The following CPZ variants were observed in gnomAD, a reference collection of about 807,000 sequenced individuals.
CPZ encodes VEZT/CPZ fusion.
Under a neutral mutation model 61.8 loss-of-function variants are expected in CPZ, and 103 were observed. The observed-to-expected ratio is 1.67, with a 90% confidence interval of 1.42 to 1.96. CPZ has a LOEUF of 1.96. Ranked by LOEUF, CPZ falls within the 30% of genes most tolerant of loss-of-function variation. The probability of loss-of-function intolerance (pLI) is 0.00; values close to 1 mark genes in which losing one functional copy is unlikely to be tolerated. For missense variants in CPZ, 1,461 were observed against 914.9 expected, an observed-to-expected ratio of 1.60 and a Z score of -7.70; for synonymous variants, 551 against 373.7, an observed-to-expected ratio of 1.47 and a Z score of -5.47.
chr4:8,600,439 G>C (rs1327308044), intron 2 of CPZ, among the ~76,000 whole-genome samples: 1 of 152,158 alleles, frequency 6.6e-6, no homozygotes, highest in African/African-American at 2.4e-5. Context: ...TGCGAGTGTG[G>C]AGCCAGCGGC....
Position 8,618,498 on chromosome 4 carries a change from G to A in CPZ, c.1573G>A (p.Val525Ile). ...GKPVKNARISVKGIRHDITTA... is the reference protein window; with the variant it reads ...GKPVKNARISIKGIRHDITTA... ...GCCAGTCAAAAACGCCCGGATCTCAGTCAAAGGCATTCGCCACGACATCAC... is the reference window on the plus strand; with the variant it reads ...GCCAGTCAAAAACGCCCGGATCTCAATCAAAGGCATTCGCCACGACATCAC... Residue 525 changes from valine to isoleucine, a missense_variant, in exon 10 of 11, where the codon GTC becomes ATC. By Grantham distance (29) the Val-to-Ile change is conservative (BLOSUM62 3). Transcript: ENST00000360986. 1.2e-6 allele frequency: 2 copies of A among 1,614,038 alleles called. No individual in the cohort carries two copies. Among genetic ancestry groups the A allele is most frequent in the South Asian group, 1.1e-5 (1 of 91,082 alleles).
chr4:8,607,247 G>T lies in CPZ; in HGVS notation c.1069-20G>T. The T allele has an allele frequency of 1.2e-6, 2 of 1,611,714 alleles. No homozygotes were observed. Among genetic ancestry groups the T allele is most frequent in the Non-Finnish European group, 1.7e-6 (2 of 1,178,328 alleles). On this transcript the variant is annotated intron_variant, in intron 6 of 10. Coordinates refer to ENST00000360986, the MANE Select transcript of CPZ (RefSeq NM_001014447.3). Reference sequence around the variant, plus strand: ...GTGGGAAAGCCCAGCCCTGAGGGCGGCCTCGTCTGTCCTGGGCAGGTGGCC... The same window carrying T: ...GTGGGAAAGCCCAGCCCTGAGGGCGTCCTCGTCTGTCCTGGGCAGGTGGCC...
At chr4:8,610,338 T>C (rs1044262876) in intron 7 of CPZ, among the ~76,000 whole-genome samples, 1 of 152,206 alleles carries the variant, frequency 6.6e-6, no homozygotes. Flanking sequence ...TCTGGGCCCC[T>C]GCACCCCAGG....
At chr4:8,611,274 G>A (rs1381378055) in intron 7 of CPZ, 1 of 456,276 alleles carries the variant, frequency 2.2e-6, no homozygotes, top group Non-Finnish European at 4.4e-6. Flanking sequence ...CCCAAGGTCA[G>A]TCTGGGACTT....
chr4:8,605,277 C>T (rs777741735), intron 4 of CPZ, among the ~76,000 whole-genome samples: 1 of 150,046 alleles, frequency 6.7e-6, no homozygotes, highest in Non-Finnish European at 1.5e-5. Context: ...GCCAGTAAGG[C>T]CATGGGGCCT....
intron 9 of CPZ, among the ~76,000 whole-genome samples, chr4:8,616,442 GC>G (rs996934046): frequency 1.3e-5 from 2 of 152,168 alleles, no homozygotes; most frequent in African/African-American, 4.8e-5. Context: ...TCCTGGGAGA[GC>G]CCCTGCTCTC....
chr4:8,607,719 TC>T (rs1270621900), intron 7 of CPZ, among the ~76,000 whole-genome samples: 1 of 152,146 alleles, frequency 6.6e-6, no homozygotes, highest in Non-Finnish European at 1.5e-5. Context: ...GCGCTGCTGT[TC>T]CTTTGAGCTC....
intron 7 of CPZ, among the ~76,000 whole-genome samples, chr4:8,609,286 T>C (rs1325593644): frequency 9.2e-6 from 1 of 109,064 alleles, no homozygotes; most frequent in African/African-American, 3.6e-5. Context: ...CACACTAATT[T>C]TCTCAGTCAT....
At chr4:8,609,233 G>GACTTACTCAT (rs869045353) in intron 7 of CPZ, among the ~76,000 whole-genome samples, 123 of 24,406 alleles carry the variant, frequency 5.0e-3, no homozygotes, top group African/African-American at 0.021. Context: ...CTCACTCATT[G>GACTTACTCAT]TCACTCATTC....
In CPZ at chr4:8,601,185, C is replaced by T. The variant is rs200477477; in HGVS notation, c.184C>T (p.Pro62Ser). ...TGCCGCCTACAACCACACCACCTTC[C>T]CCAACCTGCTTCAGCACCGGTCGTG... Reference protein sequence around the residue: ...SDAAYNHTTFPNLLQHRSWEV... With the variant: ...SDAAYNHTTFSNLLQHRSWEV... The change falls in exon 3 of 11, where the codon CCC (proline) becomes TCC (serine). Residue 62 changes from proline (P) to serine (S), a missense_variant. Pro to Ser is a moderately conservative substitution (Grantham distance 74, BLOSUM62 -1). Coordinates refer to ENST00000360986, the MANE Select transcript of CPZ (RefSeq NM_001014447.3). 3.5e-5 allele frequency: 56 copies of T among 1,611,594 alleles called. No homozygotes were observed. In the African/African-American group the frequency reaches 6.5e-4, roughly 19 times the overall value.
chr4:8,602,705 AC>A (rs1247540598), intron 3 of CPZ: 1 of 152,280 alleles, frequency 6.6e-6, no homozygotes, highest in Admixed American at 6.5e-5. Context: ...GCTACCGAGC[AC>A]CCACTGTACA....
chr4:8,606,768 G>A lies in CPZ; in HGVS notation c.938G>A (p.Arg313Lys). ...GAGYNGWTSG[R>K]QNAQNLDLNR... is the part of the protein sequence containing the mutation. The stretch of plus-strand genomic sequence containing the variant: ...GGCTACAACGGGTGGACGAGCGGGA[G>A]GCAGAACGCGCAGAACCTGGATCTG... The change falls in exon 6 of 11, where the codon AGG (arginine) becomes AAG (lysine). Residue 313 changes from arginine to lysine, a missense_variant. Transcript: ENST00000360986. 6.2e-7 allele frequency: 1 copy of A among 1,614,194 alleles called. No individual in the cohort carries two copies.
Position 8,601,053 on chromosome 4 carries a change from C to T in CPZ, c.122-70C>T, listed in dbSNP as rs559575419. 494 of 1,499,390 alleles carry T rather than the reference C, an allele frequency of 3.3e-4. 2 individuals are homozygous for T. In the African/African-American group the frequency reaches 5.7e-3, roughly 17 times the overall value. The allele number at this position is 1,499,390 out of a possible 1,614,324, so 92.9% of individuals were successfully genotyped here. ...CCCTGGCCCTGCGTGGGGTCCCCTACGTAAATGTCTGATGCGTGACGGTCA... is the reference window on the plus strand; with the variant it reads ...CCCTGGCCCTGCGTGGGGTCCCCTATGTAAATGTCTGATGCGTGACGGTCA... On this transcript the variant is annotated intron_variant, in intron 2 of 10. Transcript: ENST00000360986.
chr4:8,595,397 C>A (rs1714104507), intron 1 of CPZ, among the ~76,000 whole-genome samples: 1 of 152,236 alleles, frequency 6.6e-6, no homozygotes, highest in Non-Finnish European at 1.5e-5. Flanking sequence ...TGGTGAATAG[C>A]CTAACCAGCC....
At position 8,598,568 on chromosome 4, in the gene CPZ, G is replaced by C. The variant is rs1360742995; in HGVS notation, c.89-885G>C. On this transcript the variant is annotated intron_variant, in intron 1 of 10. Coordinates refer to ENST00000360986, the MANE Select transcript of CPZ (RefSeq NM_001014447.3). Reference sequence around the variant, plus strand: ...CTGTGGGTCACGTCCCCTTCTCCGGGTTCCTGCTGCTCCCACTGCCCAGCC... The same window carrying C: ...CTGTGGGTCACGTCCCCTTCTCCGGCTTCCTGCTGCTCCCACTGCCCAGCC... 1.3e-5 allele frequency among the ~76,000 whole-genome samples: 2 copies of C among 152,222 alleles called. 1 individual carries two copies. The highest frequency in any genetic ancestry group is 4.8e-5 in the African/African-American group (2 of 41,464).
chr4:8,610,280 G>A (rs972408473), intron 7 of CPZ, among the ~76,000 whole-genome samples: 1 of 152,216 alleles, frequency 6.6e-6, no homozygotes, highest in Non-Finnish European at 1.5e-5. Context: ...CTCCTCTGAT[G>A]TCCTTGTCCT....
At chr4:8,606,491 C>A (rs1289293378) in intron 5 of CPZ, among the ~76,000 whole-genome samples, 1 of 152,078 alleles carries the variant, frequency 6.6e-6, no homozygotes, top group African/African-American at 2.4e-5. Context: ...ACGAGCAGAG[C>A]AGGTGACTGT....
chr4:8,603,272 T>C (rs3756166), intron 3 of CPZ: 124,535 of 152,054 alleles, frequency 0.82, 52,125 homozygotes, highest in Non-Finnish European at 0.9. Flanking sequence ...CTAAGCGTCA[T>C]CGGGGTGGCC....
rs552354875 is a variant in CPZ, at chr4:8,605,632, T to C, written c.710-357T>C. On this transcript the variant is annotated intron_variant, in intron 4 of 10. Coordinates refer to ENST00000360986, the MANE Select transcript of CPZ (RefSeq NM_001014447.3). The stretch of plus-strand genomic sequence containing the variant: ...CATCCATCCATCCATCCATCATTGA[T>C]ATATCCATTCATCCACTCAAGGGCC... 2.8e-3 allele frequency among the ~76,000 whole-genome samples: 304 copies of C among 109,334 alleles called. 2 individuals carry two copies. The highest frequency in any genetic ancestry group is 0.014 in the African/African-American group (278 of 19,624). The allele number at this position is 109,334 out of a possible 152,430, so 71.7% of individuals were successfully genotyped here.
Sources: allele counts gnomAD v4.1 joint callset (sites outside exome capture counted in the v4.1 genomes callset), GRCh38; gene constraint gnomAD v4.1.1; transcripts MANE v1.5; gene names NCBI Gene and HGNC (gene_info 2026-07-23, HGNC 2026-07-21).